SCUBE1: variants seen among roughly 807,000 people sequenced by gnomAD.
The protein encoded by SCUBE1 is signal peptide, CUB and EGF-like domain-containing protein 1.
SCUBE1 carries 59 observed loss-of-function variants against 124.4 expected under a neutral mutation model. The ratio of observed to expected loss-of-function variants is 0.47; its 90% CI spans 0.38 to 0.59. SCUBE1 has a LOEUF of 0.59. Among genes scored for constraint, SCUBE1 ranks in the 20% least tolerant of loss-of-function variants. The pLI is 0.00. For missense variants in SCUBE1, 1,150 were observed against 1,371.2 expected (o/e 0.84, Z 2.55); for synonymous variants, 545 against 550.9 (o/e 0.99, Z 0.15).
At chr22:43,237,639 A>T (rs923635481) in intron 7 of SCUBE1, 1 of 152,228 alleles carries the variant, frequency 6.6e-6, no homozygotes, top group Non-Finnish European at 1.5e-5. Flanking sequence ...TCTGTCAATA[A>T]TCACTCGGTT....
intron 3 of SCUBE1, among the ~76,000 whole-genome samples, chr22:43,306,841 C>A (rs1925986565): frequency 6.6e-6 from 1 of 152,132 alleles, no homozygotes; most frequent in Non-Finnish European, 1.5e-5. Context: ...AGAGCAGAGA[C>A]CAGAAGGAGC....
At chr22:43,272,639 G>A (rs916080817) in intron 4 of SCUBE1, 12 of 152,256 alleles carry the variant, frequency 7.9e-5, no homozygotes, top group African/African-American at 2.9e-4. Context: ...TGCTCTCCTA[G>A]GGGCCGGACC....
intron 11 of SCUBE1, 80 bp from the exon 12 acceptor site, chr22:43,222,822 T>C (rs938564641): frequency 1.7e-6 from 2 of 1,164,556 alleles, no homozygotes; most frequent in African/African-American, 1.5e-5. Context: ...CTCAGAGGGA[T>C]TGTGGAGTGA....
At chr22:43,287,611 C>T (rs1417596969) in intron 4 of SCUBE1, among the ~76,000 whole-genome samples, 1 of 152,202 alleles carries the variant, frequency 6.6e-6, no homozygotes, top group Non-Finnish European at 1.5e-5. Context: ...CATCTGGTTC[C>T]ATCTAATCAA....
intron 2 of SCUBE1, among the ~76,000 whole-genome samples, chr22:43,320,751 T>G (rs1926515751): frequency 6.6e-6 from 1 of 152,204 alleles, no homozygotes; most frequent in Non-Finnish European, 1.5e-5. Context: ...CATTCTCACT[T>G]CCAATTTTGC....
At chr22:43,237,671 A>T (rs1444650373) in intron 7 of SCUBE1, 1 of 152,230 alleles carries the variant, frequency 6.6e-6, no homozygotes, top group Non-Finnish European at 1.5e-5. Context: ...GTTGGCAAGG[A>T]AGAAGTCATA....
At chr22:43,226,420 C>T (rs1175287546) in intron 10 of SCUBE1, among the ~76,000 whole-genome samples, 1 of 141,532 alleles carries the variant, frequency 7.1e-6, no homozygotes, top group Non-Finnish European at 1.6e-5. Flanking sequence ...GTGAGGAGTG[C>T]TGGTGTGGGG....
intron 6 of SCUBE1, among the ~76,000 whole-genome samples, chr22:43,249,710 G>A (rs553791054): frequency 6.6e-6 from 1 of 152,356 alleles, no homozygotes; most frequent in South Asian, 2.1e-4. Flanking sequence ...TGAGGCTGTA[G>A]CCCCGTGAGC....
At chr22:43,306,991 G>A (rs1293041812) in intron 3 of SCUBE1, among the ~76,000 whole-genome samples, 4 of 152,184 alleles carry the variant, frequency 2.6e-5, no homozygotes, top group African/African-American at 9.7e-5. Context: ...CCGTCAAGTC[G>A]TTTGCCTCCT....
intron 3 of SCUBE1, among the ~76,000 whole-genome samples, chr22:43,298,264 C>A (rs887908401): frequency 6.6e-6 from 1 of 152,214 alleles, no homozygotes; most frequent in Admixed American, 6.5e-5. Context: ...CTGGCACAGG[C>A]GGCAGGAGGT....
intron 21 of SCUBE1, among the ~76,000 whole-genome samples, chr22:43,205,086 C>T (rs187981429): frequency 6.6e-6 from 1 of 152,298 alleles, no homozygotes; most frequent in East Asian, 1.9e-4. Context: ...CAGGCCTGCT[C>T]GCTGGTCCCT....
intron 4 of SCUBE1, among the ~76,000 whole-genome samples, chr22:43,275,481 T>C (rs1924468743): frequency 6.6e-6 from 1 of 152,194 alleles, no homozygotes; most frequent in Admixed American, 6.5e-5. Flanking sequence ...GTGTGAGACG[T>C]GAGAAACACA....
chr22:43,333,910 G>C (rs1418530592), intron 2 of SCUBE1, among the ~76,000 whole-genome samples: 1 of 152,232 alleles, frequency 6.6e-6, no homozygotes, highest in Non-Finnish European at 1.5e-5. Context: ...ACATGTAGCA[G>C]GGTGTCTGGA....
rs756290447 is a variant in SCUBE1 at position 43,201,303 on chromosome 22, C to CAAAAAAAAAAAAAAAAAAAAAAAA, written c.*2670_*2693dup. The CAAAAAAAAAAAAAAAAAAAAAAAA allele has an allele frequency of 4.5e-5, 2 of 44,006 alleles. No individual in the cohort carries two copies. Among genetic ancestry groups the CAAAAAAAAAAAAAAAAAAAAAAAA allele is most frequent in the African/African-American group, 8.3e-5 (1 of 12,020 alleles). 2.7% of individuals were successfully genotyped at this position (44,006 alleles called of 1,614,324 possible). A position where few individuals can be genotyped will look rare whatever the true frequency, so the allele number is the denominator to read the frequency against. ...TGGGTGACAGAGCGAGACTCCATCTCAAAAAAAAAAAAAAAAAAAAAAAAG... is the reference window on the plus strand; with the variant it reads ...TGGGTGACAGAGCGAGACTCCATCTCAAAAAAAAAAAAAAAAAAAAAAAAAAAAAAAAAAAAAAAAAAAAAAAAG... On this transcript the variant is annotated 3_prime_UTR_variant, in exon 22 of 22. Coordinates refer to ENST00000360835, the MANE Select transcript of SCUBE1 (RefSeq NM_173050.5).
At chr22:43,288,600 T>G (rs1925237736) in intron 4 of SCUBE1, among the ~76,000 whole-genome samples, 1 of 152,174 alleles carries the variant, frequency 6.6e-6, no homozygotes, top group African/African-American at 2.4e-5. Flanking sequence ...CCTGGCACAT[T>G]CCCCACAAGC....
chr22:43,270,238 A>T (rs1924240599), intron 4 of SCUBE1: 1 of 152,248 alleles, frequency 6.6e-6, no homozygotes, highest in Admixed American at 6.5e-5. Context: ...TTCCATCTTT[A>T]GACTTGGGTC....
intron 4 of SCUBE1, among the ~76,000 whole-genome samples, chr22:43,289,565 T>C (rs896106491): frequency 2.6e-5 from 4 of 152,232 alleles, no homozygotes; most frequent in African/African-American, 9.6e-5. Context: ...TTATCCTGAG[T>C]ACTTTTTAAA....
intron 4 of SCUBE1, 37 bp downstream of exon 4, chr22:43,291,009 G>A (rs769042618): frequency 3.9e-6 from 6 of 1,540,402 alleles, no homozygotes; most frequent in Admixed American, 1.8e-5. Context: ...GCCCATCCTG[G>A]GGGGGGACAT....
chr22:43,300,610 T>C (rs1220675657), intron 3 of SCUBE1, among the ~76,000 whole-genome samples: 1 of 152,136 alleles, frequency 6.6e-6, no homozygotes, highest in Non-Finnish European at 1.5e-5. Flanking sequence ...GTAAGAGTTC[T>C]TTATACATCC....
Sources: allele counts gnomAD v4.1 joint callset (sites outside exome capture counted in the v4.1 genomes callset), GRCh38; gene constraint gnomAD v4.1.1; transcripts MANE v1.5; gene names NCBI Gene and HGNC (gene_info 2026-07-23, HGNC 2026-07-21).